Variants in ZFPM1 observed in about 807,000 individuals in gnomAD.
ZFPM1 encodes the protein zinc finger protein ZFPM1.
Under a neutral mutation model 46.3 loss-of-function variants are expected in ZFPM1, and 28 were observed. That is an observed-to-expected ratio of 0.60 (90% confidence interval 0.45 to 0.83). The LOEUF (loss-of-function observed/expected upper bound fraction) is 0.83. Among genes scored for constraint, ZFPM1 ranks in the 40% least tolerant of loss-of-function variants. ZFPM1 has a pLI of 0.00. For synonymous variants in ZFPM1, 957 were observed against 675.9 expected (o/e 1.42, Z -6.45); for missense variants, 1,878 against 1,432.4 (o/e 1.31, Z -5.02).
At chr16:88,522,922 A>G (rs914515939) in intron 4 of ZFPM1, among the ~76,000 whole-genome samples, 1 of 151,490 alleles carries the variant, frequency 6.6e-6, no homozygotes, top group African/African-American at 2.4e-5. Flanking sequence ...GCCCCCTCCC[A>G]AGGCCAGGCG....
At chr16:88,501,617 T>C (rs1288360725) in intron 3 of ZFPM1, among the ~76,000 whole-genome samples, 4 of 127,174 alleles carry the variant, frequency 3.1e-5, no homozygotes, top group Non-Finnish European at 5.0e-5. Context: ...CTGGTGATGA[T>C]GGAGATAGTG....
intron 1 of ZFPM1, among the ~76,000 whole-genome samples, chr16:88,464,967 G>T (rs1042093698): frequency 6.6e-6 from 1 of 151,608 alleles, no homozygotes; most frequent in Non-Finnish European, 1.5e-5. Context: ...TGACTTCATA[G>T]CTCACTGATT....
rs192825466 is a variant in ZFPM1, at chr16:88,469,182, C to G, written c.40+15504C>G. Among the ~76,000 whole-genome samples, 2 of 152,346 alleles carry G rather than the reference C, an allele frequency of 1.3e-5. No individual in the cohort carries two copies. Among genetic ancestry groups the G allele is most frequent in the Non-Finnish European group, 2.9e-5 (2 of 68,012 alleles). ...AGACCCTCCTGCAGGCTGCCCCCCACCGCTCCACCCTCTCCCCGCGCTGAC... is the reference window on the plus strand; with the variant it reads ...AGACCCTCCTGCAGGCTGCCCCCCAGCGCTCCACCCTCTCCCCGCGCTGAC... On this transcript the variant is annotated intron_variant, in intron 1 of 9. Coordinates refer to ENST00000319555, the MANE Select transcript of ZFPM1 (RefSeq NM_153813.3). The surrounding 1 kb of genome is among the most constrained non-coding windows in gnomAD (Gnocchi z 4.3).
chr16:88,534,822 A>G lies in ZFPM1; in HGVS notation c.2864A>G (p.Lys955Arg), dbSNP rs563788389. The G allele has an allele frequency of 3.3e-6, 5 of 1,533,164 alleles. No individual in the cohort carries two copies. The Admixed American group carries it at 5.8e-5, about 18-fold the overall frequency. 95.0% of individuals were successfully genotyped at this position (1,533,164 alleles called of 1,614,324 possible). ...CCGGCGCCCCCCTCCTACTCGGACA[A>G]GGGCGTCCAGACTCCCAGCAAGGGC... is the stretch of plus-strand genomic sequence containing the variant. ...PPPAPPSYSD[K>R]GVQTPSKGTP... Residue 955 changes from lysine (K) to arginine (R), a missense_variant, in exon 10 of 10, where the codon AAG becomes AGG. Coordinates refer to ENST00000319555, the MANE Select transcript of ZFPM1 (RefSeq NM_153813.3).
At position 88,469,185 on chromosome 16, in the gene ZFPM1, C is replaced by A. The variant is rs1908301768; in HGVS notation, c.40+15507C>A. 6.6e-6 allele frequency among the ~76,000 whole-genome samples: 1 copy of A among 152,224 alleles called. No homozygotes were observed. Among genetic ancestry groups the A allele is most frequent in the Admixed American group, 6.5e-5 (1 of 15,284 alleles). On this transcript the variant is annotated intron_variant, in intron 1 of 9. Coordinates refer to ENST00000319555, the MANE Select transcript of ZFPM1 (RefSeq NM_153813.3). This position sits in a 1 kb window ranked among gnomAD's most constrained non-coding sequence, Gnocchi z 4.3. ...CCCTCCTGCAGGCTGCCCCCCACCG[C>A]TCCACCCTCTCCCCGCGCTGACTTC...
At chr16:88,525,934 G>A (rs771096728) in intron 4 of ZFPM1, among the ~76,000 whole-genome samples, 10 of 152,350 alleles carry the variant, frequency 6.6e-5, no homozygotes, top group East Asian at 3.9e-4. Context: ...CTGAGCCACC[G>A]CCGACAGCAT....
rs146933198 is a variant in ZFPM1 at position 88,514,944 on chromosome 16, G to A, written c.402+424G>A. ...GACTCTTCTGACGACAGGCACGGCC[G>A]TCAGGCCCATGGTCTCCATGGCCTC... On this transcript the variant is annotated intron_variant, in intron 4 of 9. Coordinates refer to ENST00000319555, the MANE Select transcript of ZFPM1 (RefSeq NM_153813.3). Among the ~76,000 whole-genome samples the A allele has an allele frequency of 6.0e-3, 909 of 152,276 alleles. 13 individuals are homozygous for A. Among genetic ancestry groups the A allele is most frequent in the African/African-American group, 0.021 (866 of 41,566 alleles).
rs1913166863 is a variant in ZFPM1, at chr16:88,534,885, G to A, written c.2927G>A (p.Cys976Tyr). ...APLPNGNHRYCRLCNIKFSSL... is the reference protein window; with the variant it reads ...APLPNGNHRYYRLCNIKFSSL... Reference sequence around the variant, plus strand: ...CTGCCCAACGGCAACCACCGGTACTGCCGTCTTTGCAACATCAAGTTCAGC... The same window carrying A: ...CTGCCCAACGGCAACCACCGGTACTACCGTCTTTGCAACATCAAGTTCAGC... The change falls in exon 10 of 10, where the codon TGC (cysteine) becomes TAC (tyrosine). Residue 976 changes from cysteine to tyrosine, a missense_variant. Physicochemically the swap from Cys to Tyr is radical, Grantham distance 194 (BLOSUM62 -2). Coordinates refer to ENST00000319555, the MANE Select transcript of ZFPM1 (RefSeq NM_153813.3). The A allele has an allele frequency of 1.3e-6, 2 of 1,567,932 alleles. No individual in the cohort carries two copies. Among genetic ancestry groups the A allele is most frequent in the Non-Finnish European group, 8.6e-7 (1 of 1,161,750 alleles).
intron 3 of ZFPM1, among the ~76,000 whole-genome samples, chr16:88,500,208 C>G (rs993033941): frequency 6.6e-6 from 1 of 152,170 alleles, no homozygotes; most frequent in Admixed American, 6.5e-5. Flanking sequence ...GCAGGCCCAC[C>G]AGAGTCACCT....
At position 88,533,970 on chromosome 16, in the gene ZFPM1, G is replaced by A. The variant is rs776314979; in HGVS notation, c.2012G>A (p.Ser671Asn). Residue 671 changes from serine (S) to asparagine (N), a missense_variant, in exon 10 of 10, where the codon AGC becomes AAC. Transcript: ENST00000319555. ...AGCGAGGGCAGCCAGAGCCCGGGTA[G>A]CTCCGTGGACGACGCGGAGGACGAC... ...RGSEGSQSPG[S>N]SVDDAEDDPS... is the part of the protein sequence containing the mutation. The A allele has an allele frequency of 3.8e-6, 5 of 1,322,100 alleles. No individual in the cohort carries two copies. The highest frequency in any genetic ancestry group is 4.7e-5 in the East Asian group (1 of 21,326). 81.9% of individuals were successfully genotyped at this position (1,322,100 alleles called of 1,614,324 possible). A position where few individuals can be genotyped will look rare whatever the true frequency, so the allele number is the denominator to read the frequency against.
intron 1 of ZFPM1, among the ~76,000 whole-genome samples, chr16:88,484,295 C>G (rs1194425936): frequency 1.3e-5 from 2 of 152,226 alleles, no homozygotes; most frequent in African/African-American, 2.4e-5. Context: ...GGCGCAAACC[C>G]CGAACAGTTC....
upstream of ZFPM1, among the ~76,000 whole-genome samples, chr16:88,452,139 G>A (rs1907306795): frequency 6.6e-6 from 1 of 152,208 alleles, no homozygotes; most frequent in South Asian, 2.1e-4. Context: ...TACGGGGGAT[G>A]GGGGAGCAGG....
chr16:88,495,820 G>A (rs192111333), intron 3 of ZFPM1, among the ~76,000 whole-genome samples: 2 of 152,304 alleles, frequency 1.3e-5, no homozygotes, highest in East Asian at 1.9e-4. Context: ...GAGGCGTCTC[G>A]GGGCCTAGAG....
intron 4 of ZFPM1, chr16:88,516,490 G>A (rs1347169391): frequency 2.3e-5 from 9 of 398,538 alleles, no homozygotes; most frequent in Admixed American, 4.4e-5. Context: ...AGGAGCCCCC[G>A]CTCCACTCTT....
intron 3 of ZFPM1, among the ~76,000 whole-genome samples, chr16:88,490,525 G>A (rs889684706): frequency 3.9e-5 from 6 of 152,240 alleles, no homozygotes; most frequent in African/African-American, 1.4e-4. Flanking sequence ...TGAGGCAGAG[G>A]GACCACATTC....
chr16:88,493,518 T>C (rs1157492446), intron 3 of ZFPM1, among the ~76,000 whole-genome samples: 19 of 139,998 alleles, frequency 1.4e-4, no homozygotes, highest in Non-Finnish European at 2.9e-4. Flanking sequence ...TGTCCCAGGG[T>C]GCGGGGAGCT....
In ZFPM1 at chr16:88,533,521, C is replaced by T. The variant is rs1369818454; in HGVS notation, c.1563C>T (p.Ala521=). ...SSPVPGELGL[A]GALFLPQYVF... is the part of the protein sequence containing the mutation. ...CGGTGCCCGGCGAGCTGGGCCTGGCCGGGGCCCTGTTCCTTCCGCAGTACG... is the reference window on the plus strand; with the variant it reads ...CGGTGCCCGGCGAGCTGGGCCTGGCTGGGGCCCTGTTCCTTCCGCAGTACG... Residue 521 remains alanine, a synonymous_variant, in exon 10 of 10, where the codon GCC becomes GCT. Coordinates refer to ENST00000319555, the MANE Select transcript of ZFPM1 (RefSeq NM_153813.3). The T allele has an allele frequency of 4.2e-6, 6 of 1,430,564 alleles. No homozygotes were observed. The highest frequency in any genetic ancestry group is 5.5e-6 in the Non-Finnish European group (6 of 1,096,384). The allele number at this position is 1,430,564 out of a possible 1,614,324, so 88.6% of individuals were successfully genotyped here.
chr16:88,482,141 C>T (rs956881464), intron 1 of ZFPM1, among the ~76,000 whole-genome samples: 1 of 152,154 alleles, frequency 6.6e-6, no homozygotes, highest in African/African-American at 2.4e-5. Context: ...CCCAGAGAGG[C>T]TAGGGGGGTT....
intron 3 of ZFPM1, among the ~76,000 whole-genome samples, chr16:88,501,019 T>A (rs1309914366): frequency 6.6e-6 from 1 of 151,422 alleles, no homozygotes; most frequent in Non-Finnish European, 1.5e-5. Flanking sequence ...CTCCACCTCC[T>A]CCTGCCCAGG....
Sources: allele counts gnomAD v4.1 joint callset (sites outside exome capture counted in the v4.1 genomes callset), GRCh38; gene constraint gnomAD v4.1.1; non-coding constraint Gnocchi (gnomAD v3.1); transcripts MANE v1.5; gene names NCBI Gene and HGNC (gene_info 2026-07-23, HGNC 2026-07-21).